CEP104: variants seen among roughly 807,000 people sequenced by gnomAD.
CEP104 encodes centrosomal protein of 104 kDa.
A neutral mutation model predicts 113.3 loss-of-function variants in CEP104; 84 were observed. The observed-to-expected ratio is 0.74, with a 90% CI of 0.62 to 0.89. The LOEUF is 0.89. Ranked by LOEUF, CEP104 falls within the 40% of genes least tolerant of loss-of-function variation. The pLI is 0.00. For missense variants in CEP104, 1,053 were observed against 1,156.6 expected, an observed-to-expected ratio of 0.91 and a Z score of 1.30; for synonymous variants, 378 against 421.7, an observed-to-expected ratio of 0.90 and a Z score of 1.27.
chr1:3,839,456 C>T, intron 7 of CEP104, 152 bp downstream of exon 7: 1 of 727,032 alleles, frequency 1.4e-6, no homozygotes, highest in East Asian at 2.6e-5. Context: ...AAGTGCTTAT[C>T]TGTCTCCGTA....
At chr1:3,839,557 TA>T in intron 7 of CEP104, 50 bp downstream of exon 7, 2 of 1,516,726 alleles carry the variant, frequency 1.3e-6, no homozygotes, top group South Asian at 1.2e-5. Context: ...TAAGTATACA[TA>T]AAACCTATTA....
chr1:3,857,074 G>A lies in CEP104; in HGVS notation c.-200C>T, dbSNP rs1183490564. 6.6e-6 allele frequency: 1 copy of A among 152,342 alleles called. No individual in the cohort carries two copies. Among genetic ancestry groups the A allele is most frequent in the Non-Finnish European group, 1.5e-5 (1 of 68,156 alleles). The allele number at this position is 152,342 out of a possible 1,614,324, so 9.4% of individuals were successfully genotyped here. On this transcript the variant is annotated 5_prime_UTR_variant, in exon 1 of 22. Transcript: ENST00000378230. ...CCGCCGCTTCCTCAGACGGAACTCG[G>A]GGGGCGCCCCTTCCGCCGCCCCAGG...
chr1:3,851,144 T>C (rs1053018802), intron 2 of CEP104, among the ~76,000 whole-genome samples: 10 of 152,178 alleles, frequency 6.6e-5, no homozygotes, highest in Admixed American at 6.5e-4. Flanking sequence ...GCCTGGGCAG[T>C]ATCAGGACGC....
chr1:3,855,293 T>C (rs1460082180), intron 1 of CEP104, among the ~76,000 whole-genome samples: 1 of 151,708 alleles, frequency 6.6e-6, no homozygotes, highest in African/African-American at 2.4e-5. Context: ...ATGATCCTCT[T>C]GTCTCAGCCT....
chr1:3,833,718 G>A (rs183030728), intron 12 of CEP104, 144 bp downstream of exon 12: 33 of 729,050 alleles, frequency 4.5e-5, no homozygotes, highest in Admixed American at 2.5e-4. Flanking sequence ...ACCTTTTAGA[G>A]CATAAGGAAA....
intron 12 of CEP104, chr1:3,833,575 G>C: frequency 3.3e-6 from 1 of 307,594 alleles, no homozygotes; most frequent in Non-Finnish European, 6.0e-6. Flanking sequence ...TTTACCCTCA[G>C]ATTTTCTCTT....
At chr1:3,826,510 G>T in intron 16 of CEP104, 74 bp from the exon 17 acceptor site, 1 of 1,418,344 alleles carries the variant, frequency 7.1e-7, no homozygotes, top group South Asian at 1.2e-5. Context: ...AGTTTGATGT[G>T]AGCTCTAAAA....
chr1:3,824,513 G>A (rs1644045690), intron 18 of CEP104, among the ~76,000 whole-genome samples: 1 of 152,236 alleles, frequency 6.6e-6, no homozygotes, highest in Non-Finnish European at 1.5e-5. Flanking sequence ...TTAAAAATGC[G>A]TCTCTTCCTC....
intron 2 of CEP104, 44 bp downstream of exon 2, chr1:3,852,251 C>A (rs115781349): frequency 6.3e-7 from 1 of 1,578,914 alleles, no homozygotes; most frequent in East Asian, 2.3e-5. Flanking sequence ...CTCAGGGACC[C>A]GAGGCTGCCT....
chr1:3,827,609 TGAGA>T (rs1644116666), intron 15 of CEP104, among the ~76,000 whole-genome samples: 1 of 152,236 alleles, frequency 6.6e-6, no homozygotes, highest in Admixed American at 6.5e-5. Context: ...CACAACAATG[TGAGA>T]GCACTCCATG....
chr1:3,843,864 T>C (rs988636515), intron 6 of CEP104, among the ~76,000 whole-genome samples: 4 of 151,790 alleles, frequency 2.6e-5, no homozygotes, highest in African/African-American at 9.7e-5. Context: ...CGGATTCAAG[T>C]CATTCTCCTG....
chr1:3,835,677 A>T (rs975776236), intron 10 of CEP104, among the ~76,000 whole-genome samples: 1 of 152,118 alleles, frequency 6.6e-6, no homozygotes, highest in Middle Eastern at 3.4e-3. Context: ...GGCCAACTCT[A>T]CTCATTTCTA....
intron 20 of CEP104, among the ~76,000 whole-genome samples, chr1:3,818,836 G>A (rs1212554734): frequency 6.6e-6 from 1 of 152,156 alleles, no homozygotes; most frequent in African/African-American, 2.4e-5. Context: ...CCCAAACTCT[G>A]CCCCAAGGTT....
Position 3,823,079 on chromosome 1 carries a change from G to T in CEP104, c.2571+95C>A. The T allele has an allele frequency of 8.7e-7, 1 of 1,143,346 alleles. No homozygotes were observed. Among genetic ancestry groups the T allele is most frequent in the Non-Finnish European group, 1.3e-6 (1 of 760,252 alleles). 70.8% of individuals were successfully genotyped at this position (1,143,346 alleles called of 1,614,324 possible). ...GAACACTCATGTACTGTACTCTGTG[G>T]CTATGGTCCCGCACTGACACCACCA... On this transcript the variant is annotated intron_variant, in intron 20 of 21. Coordinates refer to ENST00000378230, the MANE Select transcript of CEP104 (RefSeq NM_014704.4). This position sits in a 1 kb window ranked among gnomAD's most constrained non-coding sequence, Gnocchi z 4.1.
intron 13 of CEP104, 74 bp downstream of exon 13, chr1:3,830,972 G>A (rs1644194517): frequency 7.1e-7 from 1 of 1,405,016 alleles, no homozygotes; most frequent in African/African-American, 1.4e-5. Context: ...AAATGCCGAT[G>A]AGACCCTCGC....
At chr1:3,824,611 GT>G (rs1333783028) in intron 18 of CEP104, among the ~76,000 whole-genome samples, 3 of 152,212 alleles carry the variant, frequency 2.0e-5, no homozygotes, top group African/African-American at 7.2e-5. Flanking sequence ...TCACATCCAC[GT>G]GTATAAAGAA....
intron 2 of CEP104, among the ~76,000 whole-genome samples, chr1:3,850,718 C>T (rs6686381): frequency 6.6e-6 from 1 of 152,168 alleles, no homozygotes; most frequent in Non-Finnish European, 1.5e-5. Context: ...TCAAGAGACC[C>T]CGAGCCAAAC....
intron 21 of CEP104, among the ~76,000 whole-genome samples, 172 bp from the exon 22 acceptor site, chr1:3,815,689 A>ATT (rs35136906): frequency 1.4e-5 from 2 of 144,404 alleles, no homozygotes; most frequent in Non-Finnish European, 3.0e-5. Flanking sequence ...TCAGCTTCCT[A>ATT]TTTTTTTTTT....
chr1:3,820,729 C>T (rs1444418845), intron 20 of CEP104, among the ~76,000 whole-genome samples: 10 of 152,200 alleles, frequency 6.6e-5, no homozygotes, highest in African/African-American at 1.7e-4. Context: ...CTGGGACCCC[C>T]GTCACCAGTG....
Sources: gnomAD v4.1 joint callset for allele counts (sites outside exome capture counted in the v4.1 genomes callset) on GRCh38, gnomAD v4.1.1 for gene constraint, Gnocchi (gnomAD v3.1) non-coding constraint, MANE v1.5 for transcripts, NCBI Gene and HGNC (gene_info 2026-07-23, HGNC 2026-07-21) for gene names.